DYNC2H1: variants seen among roughly 807,000 people sequenced by gnomAD.
DYNC2H1 encodes cytoplasmic dynein 2 heavy chain 1.
In DYNC2H1, 410 loss-of-function variants were observed where a neutral mutation model predicts 570.0. That is an observed-to-expected ratio of 0.72 (90% CI 0.66 to 0.78). DYNC2H1 has a LOEUF of 0.78. Ranked by LOEUF, DYNC2H1 falls within the 30% of genes least tolerant of loss-of-function variation. DYNC2H1 has a pLI of 0.00. For synonymous variants in DYNC2H1, 1,688 were observed against 1,677.6 expected, an observed-to-expected ratio of 1.01 and a Z score of -0.15; for missense variants, 4,865 against 5,046.4, an observed-to-expected ratio of 0.96 and a Z score of 1.09.
chr11:103,240,501 A>T (rs1591459597), intron 63 of DYNC2H1, among the ~76,000 whole-genome samples: 1 of 152,142 alleles, frequency 6.6e-6, no homozygotes, highest in East Asian at 1.9e-4. Context: ...ACCACCAGAG[A>T]TATCACAGTC....
Position 103,456,289 on chromosome 11 carries a change from C to T in DYNC2H1, c.12581C>T (p.Ser4194Phe), listed in dbSNP as rs886042136. The T allele has an allele frequency of 4.4e-6, 7 of 1,608,378 alleles. No homozygotes were observed. In the African/African-American group the frequency reaches 5.3e-5, roughly 12 times the overall value. The stretch of plus-strand genomic sequence containing the variant: ...TACCTTTACAGGGCAGTGGGTCGTT[C>T]TGTGGATAGCCTTAAATTTGTAGCC... ...RQETARAVGR[S>F]VDSLKFVASW... The change falls in exon 87 of 89, where the codon TCT (serine) becomes TTT (phenylalanine). Residue 4194 changes from serine (S) to phenylalanine (F), a missense_variant. Ser to Phe is a radical substitution (Grantham distance 155). Around this residue, in one of 5 missense-constraint regions of DYNC2H1, gnomAD observed 2,401 missense variants for 2,454.6 expected, o/e 0.98. Transcript: ENST00000375735.
intron 60 of DYNC2H1, among the ~76,000 whole-genome samples, chr11:103,232,448 T>A (rs556714107): frequency 2.0e-5 from 3 of 152,086 alleles, no homozygotes; most frequent in African/African-American, 7.2e-5. Context: ...TTTGGAAGGA[T>A]TATTATAAGA....
intron 85 of DYNC2H1, among the ~76,000 whole-genome samples, chr11:103,451,188 T>C (rs1246699243): frequency 1.3e-5 from 2 of 152,058 alleles, no homozygotes; most frequent in African/African-American, 4.8e-5. Context: ...AATGTAGTGC[T>C]ATGCCATAAT....
At chr11:103,293,099 G>A (rs1186324344) in intron 75 of DYNC2H1, among the ~76,000 whole-genome samples, 13 of 152,084 alleles carry the variant, frequency 8.5e-5, no homozygotes, top group Admixed American at 7.9e-4. Context: ...TCCCTTTATA[G>A]TTCTGGTGTT....
chr11:103,390,018 T>C (rs1425231592), intron 83 of DYNC2H1, among the ~76,000 whole-genome samples: 1 of 152,224 alleles, frequency 6.6e-6, no homozygotes, highest in Non-Finnish European at 1.5e-5. Context: ...TAGGTCCACT[T>C]GGTGCAGAGC....
chr11:103,430,377 G>A (rs1046931756), intron 84 of DYNC2H1, among the ~76,000 whole-genome samples: 1 of 152,076 alleles, frequency 6.6e-6, no homozygotes, highest in African/African-American at 2.4e-5. Context: ...GTATAACAGT[G>A]CCTGTACATA....
chr11:103,362,333 C>CTTTTTTTTTTT (rs1230736946), intron 83 of DYNC2H1, among the ~76,000 whole-genome samples: 1 of 25,122 alleles, frequency 4.0e-5, no homozygotes, highest in Non-Finnish European at 8.3e-5. Flanking sequence ...TTTTTTTTTT[C>CTTTTTTTTTTT]TTTTTTTTTT....
chr11:103,148,456 T>G, intron 19 of DYNC2H1, 34 bp from the exon 20 acceptor site: 1 of 1,536,964 alleles, frequency 6.5e-7, no homozygotes, highest in Non-Finnish European at 8.8e-7. Context: ...ATGGTAATAA[T>G]TAACATTTCT....
chr11:103,159,124 C>G (rs1412548353), intron 28 of DYNC2H1, 97 bp downstream of exon 28: 2 of 881,356 alleles, frequency 2.3e-6, no homozygotes, highest in Non-Finnish European at 3.5e-6. Context: ...ATACAGCAGT[C>G]AGTTCATATA....
Position 103,199,582 on chromosome 11 carries a change from A to T in DYNC2H1, c.8088+106A>T. 4.5e-6 allele frequency: 5 copies of T among 1,112,298 alleles called. No individual in the cohort carries two copies. The highest frequency in any genetic ancestry group is 5.9e-6 in the Non-Finnish European group (5 of 840,550). The allele number at this position is 1,112,298 out of a possible 1,614,324, so 68.9% of individuals were successfully genotyped here. A position where few individuals can be genotyped will look rare whatever the true frequency, so the allele number is the denominator to read the frequency against. On this transcript the variant is annotated intron_variant, in intron 49 of 88. Coordinates refer to ENST00000375735, the MANE Select transcript of DYNC2H1 (RefSeq NM_001377.3). The surrounding 1 kb of genome is among the most constrained non-coding windows in gnomAD (Gnocchi z 4.6). ...GTTTAAAGAACTAAAGTTTTAAAGA[A>T]CATCTTTAAAGAACTAAAGTTCTCT...
Position 103,143,290 on chromosome 11 carries a change from T to C in DYNC2H1, c.2597T>C (p.Val866Ala). Residue 866 changes from valine (V) to alanine (A), a missense_variant, in exon 18 of 89, where the codon GTT becomes GCT. By Grantham distance (64) the Val-to-Ala change is moderately conservative. Coordinates refer to ENST00000375735, the MANE Select transcript of DYNC2H1 (RefSeq NM_001377.3). ...TAGGAATGGATTGTAATTGGGCAAG[T>C]TGATATGGAAGCTCTGGTGGAAAAG... is the stretch of plus-strand genomic sequence containing the variant. ...QHKEWIVIGQ[V>A]DMEALVEKHL... The C allele has an allele frequency of 6.2e-7, 1 of 1,613,496 alleles. No individual in the cohort carries two copies. Among genetic ancestry groups the C allele is most frequent in the South Asian group, 1.1e-5 (1 of 90,986 alleles).
chr11:103,356,626 A>C (rs17100501), intron 82 of DYNC2H1, among the ~76,000 whole-genome samples: 22,610 of 152,196 alleles, frequency 0.15, 1,835 homozygotes, highest in Admixed American at 0.24. Context: ...TAGTGTAGCA[A>C]AGCTGATAAA....
chr11:103,345,330 A>G (rs1188461784), intron 82 of DYNC2H1, among the ~76,000 whole-genome samples: 2 of 151,940 alleles, frequency 1.3e-5, no homozygotes, highest in Non-Finnish European at 2.9e-5. Context: ...GTTTGTGGCT[A>G]TGTCTCCCTA....
Position 103,240,272 on chromosome 11 carries a change from T to A in DYNC2H1, c.9820-3421T>A, listed in dbSNP as rs537221344. ...ATGTTTACCATTATTAGAGTTTATG[T>A]TTCCAGACTGAAGATGTGTCATTCA... On this transcript the variant is annotated intron_variant, in intron 63 of 88. Coordinates refer to ENST00000375735, the MANE Select transcript of DYNC2H1 (RefSeq NM_001377.3). Among the ~76,000 whole-genome samples the A allele has an allele frequency of 3.3e-5, 5 of 152,264 alleles. No individual in the cohort carries two copies. The South Asian group carries it at 8.3e-4, about 25-fold the overall frequency.
chr11:103,265,263 T>C (rs1865462951), intron 70 of DYNC2H1, among the ~76,000 whole-genome samples: 1 of 152,136 alleles, frequency 6.6e-6, no homozygotes, highest in Non-Finnish European at 1.5e-5. Flanking sequence ...CTAATGCAGG[T>C]AGGGCTTAAA....
chr11:103,217,743 A>C (rs1038696111), intron 55 of DYNC2H1, among the ~76,000 whole-genome samples: 1 of 152,188 alleles, frequency 6.6e-6, no homozygotes, highest in Non-Finnish European at 1.5e-5. Context: ...CAAAATGAAA[A>C]CTTCTGCTCT....
At chr11:103,339,404 T>G (rs1400358014) in intron 82 of DYNC2H1, among the ~76,000 whole-genome samples, 1 of 152,060 alleles carries the variant, frequency 6.6e-6, no homozygotes, top group East Asian at 1.9e-4. Flanking sequence ...CTGCTGGGAG[T>G]CAGTTTATCC....
intron 88 of DYNC2H1, among the ~76,000 whole-genome samples, chr11:103,474,995 G>C (rs1945508090): frequency 6.6e-6 from 1 of 152,144 alleles, no homozygotes; most frequent in South Asian, 2.1e-4. Context: ...TTTGTTGTGA[G>C]ACATTCAGGC....
chr11:103,142,018 C>A (rs561334679), intron 17 of DYNC2H1, among the ~76,000 whole-genome samples: 2 of 152,212 alleles, frequency 1.3e-5, no homozygotes, highest in Non-Finnish European at 2.9e-5. Flanking sequence ...CAGCCATGTG[C>A]AGGATATAAT....
Sources: allele counts gnomAD v4.1 joint callset (sites outside exome capture counted in the v4.1 genomes callset), GRCh38; gene constraint gnomAD v4.1.1; regional missense constraint gnomAD v4.1.1; non-coding constraint Gnocchi (gnomAD v3.1); transcripts MANE v1.5; gene names NCBI Gene and HGNC (gene_info 2026-07-23, HGNC 2026-07-21).